Variants in LRRD1 observed in about 807,000 individuals in gnomAD.
LRRD1 encodes leucine-rich repeat and death domain-containing protein 1.
A neutral mutation model predicts 69.5 loss-of-function variants in LRRD1; 49 were observed. The observed-to-expected ratio is 0.70, with a 90% confidence interval of 0.56 to 0.89. The LOEUF is 0.89. LRRD1 is among the 40% of genes least tolerant of loss of function. The pLI is 0.00. For missense variants in LRRD1, 853 were observed against 956.0 expected (o/e 0.89, Z 1.42); for synonymous variants, 303 against 338.9 (o/e 0.89, Z 1.16).
At chr7:92,152,238 A>G (rs1211157553) in intron 3 of LRRD1, among the ~76,000 whole-genome samples, 1 of 151,470 alleles carries the variant, frequency 6.6e-6, no homozygotes, top group Non-Finnish European at 1.5e-5. Context: ...TGTATAACAT[A>G]TATGTTATAA....
downstream of LRRD1, chr7:92,142,489 T>C (rs1453053801): frequency 2.2e-6 from 1 of 456,792 alleles, no homozygotes; most frequent in Admixed American, 2.3e-5. Flanking sequence ...TCTTCCATAG[T>C]AGCTCTGCAA....
chr7:92,158,149 A>G (rs979429952), intron 3 of LRRD1, among the ~76,000 whole-genome samples: 2 of 152,114 alleles, frequency 1.3e-5, no homozygotes, highest in African/African-American at 4.8e-5. Context: ...TGTGATCAAT[A>G]GAATAGAGCA....
intron 4 of LRRD1, chr7:92,149,818 G>A: frequency 2.5e-6 from 1 of 404,642 alleles, no homozygotes; most frequent in Non-Finnish European, 5.1e-6. Flanking sequence ...CTCCCAAAGT[G>A]TTAGGATTAC....
Position 92,164,514 on chromosome 7 carries a change from A to G in LRRD1, c.689T>C (p.Ile230Thr). 6.5e-7 allele frequency: 1 copy of G among 1,549,948 alleles called. No homozygotes were observed. The highest frequency in any genetic ancestry group is 2.4e-5 in the East Asian group (1 of 40,822). The part of the protein sequence containing the change: ...HNHISHIPKE[I>T]SQLGNIRQLF... ...TTGTCTGATATTCCCAAGCTGAGAT[A>G]TTTCTTTAGGTATATGTGATATGTG... The change falls in exon 2 of 6, where the codon ATA becomes ACA. Residue 230 changes from isoleucine to threonine, a missense_variant. Physicochemically the swap from Ile to Thr is moderately conservative, Grantham distance 89. This residue lies in a region of LRRD1 where 739 missense variants were observed against 808.0 expected (regional missense o/e 0.91). Transcript: ENST00000458448.
At chr7:92,145,799 A>G (rs1820309837) in intron 5 of LRRD1, among the ~76,000 whole-genome samples, 1 of 152,174 alleles carries the variant, frequency 6.6e-6, no homozygotes, top group Admixed American at 6.5e-5. Flanking sequence ...ATATGAGTAT[A>G]TTCATTTTAC....
At chr7:92,156,195 T>G (rs1001619423) in intron 3 of LRRD1, among the ~76,000 whole-genome samples, 1 of 152,278 alleles carries the variant, frequency 6.6e-6, no homozygotes, top group African/African-American at 2.4e-5. Context: ...ATACTATCAC[T>G]GTCTTCATGA....
chr7:92,150,492 A>G, intron 4 of LRRD1, 42 bp downstream of exon 4: 1 of 1,431,498 alleles, frequency 7.0e-7, no homozygotes, highest in Non-Finnish European at 9.2e-7. Flanking sequence ...AATAAAATAA[A>G]AAAGAAATGA....
In LRRD1 at chr7:92,159,205, T is replaced by C. The variant is rs1339189197; in HGVS notation, c.1918-2A>G. 12 of 1,475,462 alleles carry C rather than the reference T, an allele frequency of 8.1e-6. No individual in the cohort carries two copies. The highest frequency in any genetic ancestry group is 3.5e-4 in the Middle Eastern group (2 of 5,764). 91.4% of individuals were successfully genotyped at this position (1,475,462 alleles called of 1,614,324 possible). A position where few individuals can be genotyped will look rare whatever the true frequency, so the allele number is the denominator to read the frequency against. ...TAGCTCTCCTGGAAGTCTTGTTAGCTGTAACAAAGATTACACAATTATACA... is the reference window on the plus strand; with the variant it reads ...TAGCTCTCCTGGAAGTCTTGTTAGCCGTAACAAAGATTACACAATTATACA... On this transcript the variant is annotated splice_acceptor_variant, in intron 2 of 5. Transcript: ENST00000458448. LOFTEE classifies it high-confidence loss of function.
Position 92,165,107 on chromosome 7 carries a change from A to G in LRRD1, c.96T>C (p.Phe32=). ...TTATCAAATTTGATGTTTCTTTAAT[A>G]AAGCCAGGCTCCTTCATTGACTGTG... ...SRSQSMKEPG[F]IKETSNLINE... is the part of the protein sequence containing the mutation. Residue 32 remains phenylalanine, a synonymous_variant, in exon 2 of 6, where the codon TTT becomes TTC. Transcript: ENST00000458448. 6.4e-7 allele frequency: 1 copy of G among 1,551,534 alleles called. No individual in the cohort carries two copies. The highest frequency in any genetic ancestry group is 8.7e-7 in the Non-Finnish European group (1 of 1,146,944).
At chr7:92,173,703 A>G (rs1202823937) in intron 1 of LRRD1, among the ~76,000 whole-genome samples, 3 of 152,242 alleles carry the variant, frequency 2.0e-5, no homozygotes, top group African/African-American at 4.8e-5. Flanking sequence ...GGATGTGAAG[A>G]AAGTGGTTCT....
At chr7:92,143,598 T>A (rs1056771743), downstream of LRRD1, among the ~76,000 whole-genome samples, 1 of 152,104 alleles carries the variant, frequency 6.6e-6, no homozygotes, top group South Asian at 2.1e-4. Context: ...CCAGGCCGGC[T>A]GGGCTGGCCG....
At chr7:92,178,349 C>T (rs1041912690) in intron 1 of LRRD1, among the ~76,000 whole-genome samples, 1 of 151,512 alleles carries the variant, frequency 6.6e-6, no homozygotes, top group Admixed American at 6.6e-5. Context: ...AAAAGTCTCT[C>T]ATTATTTTCA....
At chr7:92,171,347 C>A (rs1789053228) in intron 1 of LRRD1, among the ~76,000 whole-genome samples, 1 of 151,844 alleles carries the variant, frequency 6.6e-6, no homozygotes, top group African/African-American at 2.4e-5. Flanking sequence ...GGAGATATAA[C>A]AACTGAGACC....
intron 1 of LRRD1, among the ~76,000 whole-genome samples, chr7:92,172,775 T>G (rs1047423055): frequency 6.6e-6 from 1 of 152,132 alleles, no homozygotes; most frequent in Non-Finnish European, 1.5e-5. Context: ...CCAAAGCAAT[T>G]TACAGATTCA....
chr7:92,154,592 A>G (rs1222613905), intron 3 of LRRD1, among the ~76,000 whole-genome samples: 2 of 150,772 alleles, frequency 1.3e-5, no homozygotes, highest in Admixed American at 6.6e-5. Flanking sequence ...ATATTTTTCT[A>G]TGTTCTTATC....
chr7:92,142,603 G>T, downstream of LRRD1: 1 of 446,432 alleles, frequency 2.2e-6, no homozygotes, highest in East Asian at 7.0e-5. Context: ...CGACCCTCAC[G>T]GTCAGTGTTA....
chr7:92,148,492 A>T (rs948502655), intron 4 of LRRD1, among the ~76,000 whole-genome samples: 8 of 152,000 alleles, frequency 5.3e-5, no homozygotes, highest in East Asian at 3.9e-4. Flanking sequence ...TATATATATA[A>T]AATTCCAATC....
At chr7:92,149,472 A>C (rs888438763) in intron 4 of LRRD1, among the ~76,000 whole-genome samples, 4 of 152,218 alleles carry the variant, frequency 2.6e-5, no homozygotes, top group African/African-American at 9.6e-5. Context: ...ACCCAGCCCC[A>C]GGGAAAGAAT....
At chr7:92,171,983 G>A (rs747002446) in intron 1 of LRRD1, among the ~76,000 whole-genome samples, 4 of 152,120 alleles carry the variant, frequency 2.6e-5, no homozygotes, top group Non-Finnish European at 5.9e-5. Context: ...AAATTAGCTG[G>A]TGTGTTGGCA....
Sources: gnomAD v4.1 joint callset for allele counts (sites outside exome capture counted in the v4.1 genomes callset) on GRCh38, gnomAD v4.1.1 for gene constraint, gnomAD v4.1.1 regional missense constraint, MANE v1.5 for transcripts, NCBI Gene and HGNC (gene_info 2026-07-23, HGNC 2026-07-21) for gene names.